RCAN3: variants seen among roughly 807,000 people sequenced by gnomAD.
RCAN3 encodes calcipressin-3.
A neutral mutation model predicts 21.9 loss-of-function variants in RCAN3; 19 were observed. The observed-to-expected ratio is 0.87, with a 90% confidence interval of 0.61 to 1.27. The LOEUF (loss-of-function observed/expected upper bound fraction) is 1.27, where lower values mean the gene tolerates loss of function less well. Ranked by LOEUF, RCAN3 falls within the 50% of genes most tolerant of loss-of-function variation. The pLI, the probability that RCAN3 is intolerant of heterozygous loss-of-function variation, is 0.00. For missense variants in RCAN3, 240 were observed against 300.1 expected (o/e 0.80, Z 1.48); for synonymous variants, 114 against 112.3 (o/e 1.01, Z -0.09).
intron 1 of RCAN3, among the ~76,000 whole-genome samples, chr1:24,504,273 A>G (rs911025991): frequency 2.6e-5 from 4 of 152,108 alleles, no homozygotes; most frequent in African/African-American, 7.2e-5. Flanking sequence ...TGCAGCCTCA[A>G]CTTCCCAGGA....
At chr1:24,513,213 G>C (rs1262638078) in intron 1 of RCAN3, among the ~76,000 whole-genome samples, 1 of 152,026 alleles carries the variant, frequency 6.6e-6, no homozygotes, top group Non-Finnish European at 1.5e-5. Context: ...CTCCAGCCTG[G>C]GTGACAGAGC....
chr1:24,523,284 C>T (rs1048023995), intron 2 of RCAN3, among the ~76,000 whole-genome samples: 2 of 151,986 alleles, frequency 1.3e-5, no homozygotes, highest in Non-Finnish European at 2.9e-5. Flanking sequence ...AGGCTGGTCT[C>T]GAACTCCTGA....
chr1:24,515,671 A>C (rs1318477388), intron 2 of RCAN3, among the ~76,000 whole-genome samples: 1 of 152,152 alleles, frequency 6.6e-6, no homozygotes, highest in Non-Finnish European at 1.5e-5. Flanking sequence ...AATACCGTTT[A>C]ACTCAGGACA....
chr1:24,522,684 T>A (rs1352118291), intron 2 of RCAN3, among the ~76,000 whole-genome samples: 1 of 152,184 alleles, frequency 6.6e-6, no homozygotes, highest in Non-Finnish European at 1.5e-5. Context: ...TGCCTTTGCC[T>A]TGCCTCTGCT....
intron 3 of RCAN3, among the ~76,000 whole-genome samples, chr1:24,532,608 G>C (rs979634202): frequency 9.9e-5 from 15 of 151,768 alleles, no homozygotes; most frequent in Admixed American, 9.2e-4. Flanking sequence ...GTGGCCAGTG[G>C]TGAGCCAAAC....
At chr1:24,516,493 G>A (rs140814923) in intron 2 of RCAN3, among the ~76,000 whole-genome samples, 1 of 152,190 alleles carries the variant, frequency 6.6e-6, no homozygotes, top group East Asian at 1.9e-4. Context: ...GAGCTGAATC[G>A]GGAGAGTGTG....
At chr1:24,524,186 C>T (rs1014453195) in intron 2 of RCAN3, among the ~76,000 whole-genome samples, 19 of 152,102 alleles carry the variant, frequency 1.2e-4, no homozygotes, top group Admixed American at 3.3e-4. Context: ...GCCAAGATCG[C>T]GCCACTTCAC....
At chr1:24,505,211 G>GTTT (rs796108173) in intron 1 of RCAN3, among the ~76,000 whole-genome samples, 1 of 89,706 alleles carries the variant, frequency 1.1e-5, no homozygotes, top group African/African-American at 3.6e-5. Flanking sequence ...TTGTTGCTTT[G>GTTT]TTTTTTTTTT....
At position 24,533,246 on chromosome 1, in the gene RCAN3, T is replaced by G. The variant is rs771180301; in HGVS notation, c.533T>G (p.Leu178Trp). Reference sequence around the variant, plus strand: ...GATTTACTCTGTGCTGTTTCCAAATTGGGACCAGGTAATAAACTTCTATTT... The same window carrying G: ...GATTTACTCTGTGCTGTTTCCAAATGGGGACCAGGTAATAAACTTCTATTT... ...NYDLLCAVSKLGPGEKYELHA... is the reference protein window; with the variant it reads ...NYDLLCAVSKWGPGEKYELHA... The change falls in exon 4 of 5, where the codon TTG becomes TGG. Residue 178 changes from leucine to tryptophan, a missense_variant. Leu to Trp is a moderately conservative substitution (Grantham distance 61). Coordinates refer to ENST00000374395, the MANE Select transcript of RCAN3 (RefSeq NM_013441.4). 1.3e-6 allele frequency: 2 copies of G among 1,546,480 alleles called. No individual in the cohort carries two copies. Among genetic ancestry groups the G allele is most frequent in the African/African-American group, 2.8e-5 (2 of 71,794 alleles).
intron 2 of RCAN3, among the ~76,000 whole-genome samples, chr1:24,530,585 C>G (rs1649682230): frequency 6.6e-6 from 1 of 152,120 alleles, no homozygotes; most frequent in South Asian, 2.1e-4. Context: ...AAAAACCAAC[C>G]TTGTCCCACC....
rs768734833 is a variant in RCAN3, at chr1:24,531,410, A to C, written c.369+19A>C. 6.5e-7 allele frequency: 1 copy of C among 1,541,244 alleles called. No individual in the cohort carries two copies. The highest frequency in any genetic ancestry group is 1.2e-5 in the South Asian group (1 of 80,404). On this transcript the variant is annotated intron_variant, in intron 3 of 4. Coordinates refer to ENST00000374395, the MANE Select transcript of RCAN3 (RefSeq NM_013441.4). ...TGCACAGGTACTTCACCGTGCAGAG[A>C]ACACTGTTCTCTAAACTTGTTTTTC...
At chr1:24,518,388 A>AG in intron 2 of RCAN3, among the ~76,000 whole-genome samples, 1 of 152,320 alleles carries the variant, frequency 6.6e-6, no homozygotes, top group Admixed American at 6.5e-5. Context: ...ATAAACTGTA[A>AG]GAAAAATAGG....
In RCAN3 at chr1:24,539,316, G is replaced by A. The variant is rs934356430; in HGVS notation, c.*4039G>A. The A allele has an allele frequency of 1.7e-4, 26 of 151,918 alleles. No homozygotes were observed. The highest frequency in any genetic ancestry group is 6.3e-4 in the African/African-American group (26 of 41,350). 9.4% of individuals were successfully genotyped at this position (151,918 alleles called of 1,614,324 possible). ...AATAAGAAAAATCTCATCATTCGAT[G>A]GAAGAGGTGACTTAATAATTTTATT... On this transcript the variant is annotated 3_prime_UTR_variant, in exon 5 of 5. Transcript: ENST00000374395.
At chr1:24,528,609 C>CG (rs1557576500) in intron 2 of RCAN3, among the ~76,000 whole-genome samples, 1 of 152,070 alleles carries the variant, frequency 6.6e-6, no homozygotes, top group African/African-American at 2.4e-5. Context: ...ATCTGGAAGA[C>CG]GAAGAGGGTC....
chr1:24,504,441 T>C (rs937183815), intron 1 of RCAN3, among the ~76,000 whole-genome samples: 5 of 147,784 alleles, frequency 3.4e-5, no homozygotes, highest in African/African-American at 1.3e-4. Flanking sequence ...GTGCTGAGAT[T>C]ACAGGCATGA....
rs1648142169 is a variant in RCAN3 at position 24,514,572 on chromosome 1, G to T, written c.195+5G>T. 3 of 1,611,780 alleles carry T rather than the reference G, an allele frequency of 1.9e-6. No homozygotes were observed. Among genetic ancestry groups the T allele is most frequent in the Middle Eastern group, 1.6e-4 (1 of 6,076 alleles). ...TTTGAGGCACGAGAGCAGAAGGTAG[G>T]CATCTATCCTCCCTTTCCCTACATT... is the stretch of plus-strand genomic sequence containing the variant. On this transcript the variant is annotated splice_donor_5th_base_variant and intron_variant, in intron 2 of 4. Transcript: ENST00000374395.
intron 1 of RCAN3, among the ~76,000 whole-genome samples, chr1:24,512,797 C>G (rs933669821): frequency 1.3e-5 from 2 of 152,152 alleles, no homozygotes; most frequent in Non-Finnish European, 2.9e-5. Flanking sequence ...GTCCAAGGCT[C>G]TCTGCTTGGT....
Position 24,533,274 on chromosome 1 carries a change from CCTA to C in RCAN3, c.541+21_541+23del, listed in dbSNP as rs141883360. Reference sequence around the variant, plus strand: ...GACCAGGTAATAAACTTCTATTTTTCCTATTTTCTTCCCCAAGAAACTTTTGTA... The same window carrying C: ...GACCAGGTAATAAACTTCTATTTTTCTTTTCTTCCCCAAGAAACTTTTGTA... On this transcript the variant is annotated intron_variant, in intron 4 of 4. Transcript: ENST00000374395. The C allele has an allele frequency of 0.018, 27,233 of 1,502,214 alleles. 332 individuals are homozygous for C. The highest frequency in any genetic ancestry group is 0.021 in the Middle Eastern group (117 of 5,612). The allele number at this position is 1,502,214 out of a possible 1,614,324, so 93.1% of individuals were successfully genotyped here.
At chr1:24,515,524 A>C (rs1310085568) in intron 2 of RCAN3, among the ~76,000 whole-genome samples, 1 of 151,914 alleles carries the variant, frequency 6.6e-6, no homozygotes, top group Non-Finnish European at 1.5e-5. Context: ...AGTCCCACAA[A>C]AGTAAAATAG....
Sources: gnomAD v4.1 joint callset for allele counts (sites outside exome capture counted in the v4.1 genomes callset) on GRCh38, gnomAD v4.1.1 for gene constraint, MANE v1.5 for transcripts, NCBI Gene and HGNC (gene_info 2026-07-23, HGNC 2026-07-21) for gene names.